The following SPPL3 variants were observed in gnomAD, a reference collection of about 807,000 sequenced individuals.
The protein encoded by SPPL3 is signal peptide peptidase like 3.
A neutral mutation model predicts 42.4 loss-of-function variants in SPPL3; 5 were observed. The observed-to-expected ratio is 0.12, with a 90% CI of 0.06 to 0.25. The LOEUF (loss-of-function observed/expected upper bound fraction) is 0.25, where lower values mean the gene tolerates loss of function less well. SPPL3 is among the 10% of genes least tolerant of loss of function. SPPL3 has a pLI of 1.00. For synonymous variants in SPPL3, 195 were observed against 181.8 expected (o/e 1.07, Z -0.58); for missense variants, 235 against 489.0 (o/e 0.48, Z 4.90).
intron 6 of SPPL3, among the ~76,000 whole-genome samples, chr12:120,777,644 A>C (rs1009413549): frequency 5.9e-5 from 9 of 152,196 alleles, no homozygotes; most frequent in Non-Finnish European, 1.0e-4. Flanking sequence ...CTTTGAATGC[A>C]ATGTCATCAA....
Position 120,817,122 on chromosome 12 carries a change from T to C in SPPL3, c.24-6236A>G, listed in dbSNP as rs1009338616. The stretch of plus-strand genomic sequence containing the variant: ...CTGGGCAACAAATGAGATGTGACTC[T>C]ATGAAAAATTAAAAAAAAAAAAATC... On this transcript the variant is annotated intron_variant, in intron 1 of 10. Coordinates refer to ENST00000353487, the MANE Select transcript of SPPL3 (RefSeq NM_139015.5). 5.4e-5 allele frequency among the ~76,000 whole-genome samples: 8 copies of C among 147,802 alleles called. No individual in the cohort carries two copies. The South Asian group carries it at 1.7e-3, about 31-fold the overall frequency.
In SPPL3 at chr12:120,764,826, C is replaced by T; in HGVS notation, c.*173G>A. ...CAGGAAGAGAAGGAACCAAACAGGG[C>T]TCCAGCACCTCTCTCCTGCAAACGA... On this transcript the variant is annotated 3_prime_UTR_variant, in exon 11 of 11. Transcript: ENST00000353487. 3.0e-6 allele frequency: 2 copies of T among 673,716 alleles called. No individual in the cohort carries two copies. The highest frequency in any genetic ancestry group is 4.8e-6 in the Non-Finnish European group (2 of 417,412). 41.7% of individuals were successfully genotyped at this position (673,716 alleles called of 1,614,324 possible). A position where few individuals can be genotyped will look rare whatever the true frequency, so the allele number is the denominator to read the frequency against.
At chr12:120,825,066 G>T (rs1871198465) in intron 1 of SPPL3, among the ~76,000 whole-genome samples, 1 of 150,954 alleles carries the variant, frequency 6.6e-6, no homozygotes, top group Non-Finnish European at 1.5e-5. Flanking sequence ...AAGTCTACTG[G>T]ATAGTCATTA....
At chr12:120,850,339 T>G (rs1872179415) in intron 1 of SPPL3, among the ~76,000 whole-genome samples, 1 of 151,790 alleles carries the variant, frequency 6.6e-6, no homozygotes, top group South Asian at 2.1e-4. Context: ...CCAAAGTAAA[T>G]CTCAACATGT....
intron 1 of SPPL3, among the ~76,000 whole-genome samples, chr12:120,833,511 T>C (rs577311860): frequency 2.8e-4 from 42 of 151,922 alleles, no homozygotes; most frequent in Admixed American, 5.2e-4. Context: ...GCTGGGTAAA[T>C]GAGAGGATGG....
intron 2 of SPPL3, among the ~76,000 whole-genome samples, chr12:120,794,090 A>G (rs1344152344): frequency 2.0e-5 from 3 of 152,160 alleles, no homozygotes; most frequent in Non-Finnish European, 2.9e-5. Context: ...TAGATACATA[A>G]ACATTTGTGA....
At chr12:120,810,987 ATCTT>A in intron 1 of SPPL3, 101 bp from the exon 2 acceptor site, 1 of 679,936 alleles carries the variant, frequency 1.5e-6, no homozygotes, top group Non-Finnish European at 2.4e-6. Flanking sequence ...CTTTGTTTTT[ATCTT>A]TAAGAAGGAA....
chr12:120,792,696 C>CA (rs57603403), intron 2 of SPPL3, among the ~76,000 whole-genome samples: 12,874 of 70,760 alleles, frequency 0.18, 1,041 homozygotes, highest in Non-Finnish European at 0.24. Flanking sequence ...GAGACTGTCT[C>CA]AAAAAAAAAA....
At chr12:120,839,808 C>G (rs537158194) in intron 1 of SPPL3, among the ~76,000 whole-genome samples, 1 of 152,062 alleles carries the variant, frequency 6.6e-6, no homozygotes, top group East Asian at 1.9e-4. Flanking sequence ...AATCCCACTC[C>G]TAGGTATAGT....
At chr12:120,857,738 G>A (rs1017932408) in intron 1 of SPPL3, among the ~76,000 whole-genome samples, 1 of 152,154 alleles carries the variant, frequency 6.6e-6, no homozygotes, top group Non-Finnish European at 1.5e-5. Flanking sequence ...AATATCACAT[G>A]TTCTCACTCA....
intron 1 of SPPL3, among the ~76,000 whole-genome samples, chr12:120,839,745 A>G (rs1376218159): frequency 6.6e-6 from 1 of 152,188 alleles, no homozygotes; most frequent in African/African-American, 2.4e-5. Context: ...GTCACTTTGG[A>G]AAACAGTTCA....
intron 1 of SPPL3, among the ~76,000 whole-genome samples, chr12:120,877,034 C>G (rs559494194): frequency 1.3e-4 from 20 of 151,926 alleles, no homozygotes; most frequent in African/African-American, 4.8e-4. Context: ...AACATCACAA[C>G]AGACGTTACA....
chr12:120,786,777 A>C (rs1869735962), intron 3 of SPPL3, among the ~76,000 whole-genome samples: 1 of 152,160 alleles, frequency 6.6e-6, no homozygotes, highest in African/African-American at 2.4e-5. Context: ...CCATTTCCTA[A>C]AGTTCTGGAG....
At position 120,904,002 on chromosome 12, in the gene SPPL3, C is replaced by G; in HGVS notation, c.-135G>C. Reference sequence around the variant, plus strand: ...CTCGCTCGCTGGCTCGCTGGCTGCACGGCGGGCCGGGAAGGCGGCTGGCGG... The same window carrying G: ...CTCGCTCGCTGGCTCGCTGGCTGCAGGGCGGGCCGGGAAGGCGGCTGGCGG... On this transcript the variant is annotated 5_prime_UTR_variant, in exon 1 of 11. Transcript: ENST00000353487. 1.3e-6 allele frequency: 1 copy of G among 742,568 alleles called. No individual in the cohort carries two copies. The highest frequency in any genetic ancestry group is 4.6e-4 in the Middle Eastern group (1 of 2,154). The allele number at this position is 742,568 out of a possible 1,614,324, so 46.0% of individuals were successfully genotyped here.
In SPPL3 at chr12:120,796,555, T is replaced by C. The variant is rs539085465; in HGVS notation, c.102-4998A>G. Among the ~76,000 whole-genome samples the C allele has an allele frequency of 2.6e-5, 4 of 152,332 alleles. No individual in the cohort carries two copies. In the South Asian group the frequency reaches 8.3e-4, roughly 32 times the overall value. Reference sequence around the variant, plus strand: ...TTTTCCTTTTTTGCCTGTCTGGTCATCTCTGCACGTATGCTAGACATTGTG... The same window carrying C: ...TTTTCCTTTTTTGCCTGTCTGGTCACCTCTGCACGTATGCTAGACATTGTG... On this transcript the variant is annotated intron_variant, in intron 2 of 10. Coordinates refer to ENST00000353487, the MANE Select transcript of SPPL3 (RefSeq NM_139015.5).
intron 1 of SPPL3, among the ~76,000 whole-genome samples, chr12:120,815,628 T>G (rs1870843571): frequency 6.6e-6 from 1 of 152,242 alleles, no homozygotes; most frequent in African/African-American, 2.4e-5. Context: ...CCTTAAAGTC[T>G]GATACTATTG....
At chr12:120,900,893 G>A (rs1873959780) in intron 1 of SPPL3, among the ~76,000 whole-genome samples, 1 of 141,838 alleles carries the variant, frequency 7.1e-6, no homozygotes, top group Non-Finnish European at 1.5e-5. Context: ...CTGCATTCCA[G>A]CCTGGGCGAA....
intron 1 of SPPL3, among the ~76,000 whole-genome samples, chr12:120,818,016 T>C (rs746722914): frequency 2.0e-5 from 3 of 152,186 alleles, no homozygotes; most frequent in Admixed American, 1.3e-4. Context: ...TGGCCAATAA[T>C]AGGAAATCAA....
In SPPL3 at chr12:120,842,135, A is replaced by G. The variant is rs557849361; in HGVS notation, c.24-31249T>C. The stretch of plus-strand genomic sequence containing the variant: ...CCAGATAGAAAATAAATGGTTTAAA[A>G]TTGTGATGGCAAGAAGTGCTCAAAA... On this transcript the variant is annotated intron_variant, in intron 1 of 10. Transcript: ENST00000353487. Among the ~76,000 whole-genome samples, 3 of 152,358 alleles carry G rather than the reference A, an allele frequency of 2.0e-5. No homozygotes were observed. In the East Asian group the frequency reaches 5.8e-4, roughly 29 times the overall value.
Sources: gnomAD v4.1 joint callset for allele counts (sites outside exome capture counted in the v4.1 genomes callset) on GRCh38, gnomAD v4.1.1 for gene constraint, MANE v1.5 for transcripts, NCBI Gene and HGNC (gene_info 2026-07-23, HGNC 2026-07-21) for gene names.